Variants in EPM2A observed in about 807,000 individuals in gnomAD.
EPM2A encodes laforin.
Under a neutral mutation model 26.5 loss-of-function variants are expected in EPM2A, and 21 were observed. The observed-to-expected ratio is 0.79, with a 90% CI of 0.56 to 1.14. The LOEUF (loss-of-function observed/expected upper bound fraction) is 1.14, where lower values mean the gene tolerates loss of function less well. EPM2A is among the 50% of genes most tolerant of loss of function. The probability of loss-of-function intolerance (pLI) is 0.00; values close to 1 mark genes in which losing one functional copy is unlikely to be tolerated. For synonymous variants in EPM2A, 217 were observed against 177.6 expected, an observed-to-expected ratio of 1.22 and a Z score of -1.76; for missense variants, 458 against 440.8, an observed-to-expected ratio of 1.04 and a Z score of -0.35.
intron 2 of EPM2A, among the ~76,000 whole-genome samples, chr6:145,642,035 G>C (rs1428910373): frequency 2.0e-5 from 3 of 152,020 alleles, no homozygotes; most frequent in Non-Finnish European, 2.9e-5. Context: ...TCTTGTTTTT[G>C]AGCATATATA....
chr6:145,664,605 G>A (rs1411289614), intron 2 of EPM2A, among the ~76,000 whole-genome samples: 39 of 151,500 alleles, frequency 2.6e-4, no homozygotes, highest in Middle Eastern at 3.4e-3. Context: ...ACAGATCAAC[G>A]AGACAGAAAG....
chr6:145,507,354 T>C (rs1218895380), intron 2 of EPM2A, among the ~76,000 whole-genome samples: 1 of 152,198 alleles, frequency 6.6e-6, no homozygotes, highest in Non-Finnish European at 1.5e-5. Flanking sequence ...ACACCTCATA[T>C]TCTGGGAAGG....
At chr6:145,550,400 G>C (rs980159190) in intron 2 of EPM2A, among the ~76,000 whole-genome samples, 5 of 151,942 alleles carry the variant, frequency 3.3e-5, no homozygotes, top group African/African-American at 1.2e-4. Context: ...CACCGGGTTT[G>C]GGGGTATTCA....
intron 4 of EPM2A, among the ~76,000 whole-genome samples, chr6:145,422,074 T>G (rs201781130): frequency 0.037 from 4,868 of 132,902 alleles, 198 homozygotes; most frequent in African/African-American, 0.11. Flanking sequence ...TATATATATA[T>G]ATAGAGAGAG....
intron 2 of EPM2A, among the ~76,000 whole-genome samples, chr6:145,583,838 G>A (rs1582874944): frequency 6.6e-6 from 1 of 152,374 alleles, no homozygotes; most frequent in Non-Finnish European, 1.5e-5. Flanking sequence ...GGCAGTGGCA[G>A]CACAGCAGGG....
intron 2 of EPM2A, among the ~76,000 whole-genome samples, chr6:145,505,034 G>A (rs1779950332): frequency 8.0e-6 from 1 of 125,464 alleles, no homozygotes; most frequent in African/African-American, 3.0e-5. Flanking sequence ...TGATAGGTGG[G>A]AATTGAACAA....
At chr6:145,451,366 G>A (rs559688717) in intron 4 of EPM2A, among the ~76,000 whole-genome samples, 1 of 152,208 alleles carries the variant, frequency 6.6e-6, no homozygotes, top group South Asian at 2.1e-4. Flanking sequence ...AAAATCCATT[G>A]TAGGTACAAG....
intron 2 of EPM2A, among the ~76,000 whole-genome samples, chr6:145,680,589 T>C (rs1188571076): frequency 1.3e-5 from 2 of 151,590 alleles, no homozygotes; most frequent in African/African-American, 4.8e-5. Context: ...CCCCTTCCTG[T>C]GTCCATGTGT....
chr6:145,525,337 G>C (rs1317587372), intron 2 of EPM2A, among the ~76,000 whole-genome samples: 1 of 151,674 alleles, frequency 6.6e-6, no homozygotes, highest in African/African-American at 2.4e-5. Flanking sequence ...CTAATGTTTT[G>C]AAGAATGACA....
intron 2 of EPM2A, among the ~76,000 whole-genome samples, chr6:145,511,198 G>T (rs897692037): frequency 4.6e-5 from 7 of 151,680 alleles, no homozygotes; most frequent in Middle Eastern, 3.2e-3. Context: ...CAAAGATCTG[G>T]TACCAATTTA....
chr6:145,683,816 C>G (rs1381810610), intron 2 of EPM2A, among the ~76,000 whole-genome samples: 1 of 152,104 alleles, frequency 6.6e-6, no homozygotes, highest in African/African-American at 2.4e-5. Context: ...GCCCCCAACA[C>G]CTCTCACAGG....
rs1780521093 is a variant in EPM2A, at chr6:145,542,138, T to C, written c.341-39563A>G. Among the ~76,000 whole-genome samples, 4 of 152,202 alleles carry C rather than the reference T, an allele frequency of 2.6e-5. 1 individual carries two copies. The South Asian group carries it at 8.3e-4, about 31-fold the overall frequency. On this transcript the variant is annotated intron_variant, in intron 2 of 3. Transcript: ENST00000450221. ...AAAAGTCTATGTCTTCACGAGCATA[T>C]AGGCACTAAAGCTTCTGAATATTTC... is the stretch of plus-strand genomic sequence containing the variant.
chr6:145,735,053 C>T, intron 1 of EPM2A, 145 bp downstream of exon 1: 2 of 472,474 alleles, frequency 4.2e-6, no homozygotes, highest in Non-Finnish European at 6.9e-6. Context: ...GCCCAGGTCG[C>T]CCGGGGAGTG....
At chr6:145,479,328 T>C (rs1779584402) in intron 4 of EPM2A, among the ~76,000 whole-genome samples, 1 of 148,566 alleles carries the variant, frequency 6.7e-6, no homozygotes. Context: ...TATATATATA[T>C]ATATGATTCA....
intron 1 of EPM2A, among the ~76,000 whole-genome samples, chr6:145,691,210 A>G (rs1781261260): frequency 6.6e-6 from 1 of 152,178 alleles, no homozygotes; most frequent in Non-Finnish European, 1.5e-5. Context: ...GACATGACAT[A>G]TTTAAACTTC....
At chr6:145,525,638 T>C (rs1780260945) in intron 2 of EPM2A, among the ~76,000 whole-genome samples, 1 of 152,142 alleles carries the variant, frequency 6.6e-6, no homozygotes, top group Non-Finnish European at 1.5e-5. Context: ...TTTGTGTACA[T>C]TGATTTTGTT....
At chr6:145,522,971 G>T (rs907191785) in intron 2 of EPM2A, among the ~76,000 whole-genome samples, 12 of 152,150 alleles carry the variant, frequency 7.9e-5, no homozygotes, top group Non-Finnish European at 2.9e-5. Flanking sequence ...ACTCAAGCAC[G>T]CTCTGTTCCA....
chr6:145,554,403 T>A (rs1392090375), intron 2 of EPM2A, among the ~76,000 whole-genome samples: 1 of 150,404 alleles, frequency 6.6e-6, no homozygotes, highest in Non-Finnish European at 1.5e-5. Flanking sequence ...AATAGATAGA[T>A]AATAGAGAGA....
chr6:145,663,410 C>T (rs983335211), intron 2 of EPM2A, among the ~76,000 whole-genome samples: 4 of 152,190 alleles, frequency 2.6e-5, no homozygotes, highest in South Asian at 4.1e-4. Context: ...ACGCACCGTG[C>T]GTGAGCCGAA....
Sources: gnomAD v4.1 joint callset for allele counts (sites outside exome capture counted in the v4.1 genomes callset) on GRCh38, gnomAD v4.1.1 for gene constraint, MANE v1.5 for transcripts, NCBI Gene and HGNC (gene_info 2026-07-23, HGNC 2026-07-21) for gene names.